Variants in CYP2U1 observed in about 807,000 individuals in gnomAD.
The protein encoded by CYP2U1 is cytochrome P450 family 2 subfamily U member 1.
Under a neutral mutation model 42.8 loss-of-function variants are expected in CYP2U1, and 28 were observed. The ratio of observed to expected loss-of-function variants is 0.65; its 90% confidence interval spans 0.48 to 0.90. The LOEUF is 0.90. Ranked by LOEUF, CYP2U1 falls within the 40% of genes least tolerant of loss-of-function variation. The pLI, the probability that CYP2U1 is intolerant of heterozygous loss-of-function variation, is 0.00. For synonymous variants in CYP2U1, 296 were observed against 278.9 expected (o/e 1.06, Z -0.61); for missense variants, 642 against 693.8 (o/e 0.93, Z 0.84).
Position 107,931,733 on chromosome 4 carries a change from G to A in CYP2U1, c.90G>A (p.Leu30=). 7.1e-7 allele frequency: 1 copy of A among 1,411,454 alleles called. No homozygotes were observed. The allele number at this position is 1,411,454 out of a possible 1,614,324, so 87.4% of individuals were successfully genotyped here. The part of the protein sequence containing the change: ...LLRAPLGLLR[L]DPSGGALLLC... ...GTGCGCCTCTGGGGCTGCTGCGGCT[G>A]GACCCCAGCGGGGGCGCGCTGCTGC... is the stretch of plus-strand genomic sequence containing the variant. Residue 30 remains leucine (L), a synonymous_variant, in exon 1 of 5, where the codon CTG becomes CTA. Transcript: ENST00000332884.
chr4:107,945,300 C>T lies in CYP2U1; in HGVS notation c.821C>T (p.Pro274Leu), dbSNP rs1247212006. 2 of 1,614,018 alleles carry T rather than the reference C, an allele frequency of 1.2e-6. No homozygotes were observed. ...NSQVLLVNIC[P>L]WLYYLPFGPF... ...CAAGTCCTCCTGGTCAACATATGCCCTTGGCTTTATTACCTTCCCTTTGGA... is the reference window on the plus strand; with the variant it reads ...CAAGTCCTCCTGGTCAACATATGCCTTTGGCTTTATTACCTTCCCTTTGGA... Residue 274 changes from proline (P) to leucine (L), a missense_variant, in exon 2 of 5, where the codon CCT (proline) becomes CTT (leucine). By Grantham distance (98) the Pro-to-Leu change is moderately conservative. Transcript: ENST00000332884.
intron 1 of CYP2U1, among the ~76,000 whole-genome samples, chr4:107,942,386 C>T (rs1379753746): frequency 1.3e-5 from 2 of 152,188 alleles, no homozygotes; most frequent in Non-Finnish European, 2.9e-5. Flanking sequence ...AAATTAAATG[C>T]AGTTCCAACC....
At chr4:107,937,447 A>G (rs975633018) in intron 1 of CYP2U1, 2 of 152,212 alleles carry the variant, frequency 1.3e-5, no homozygotes, top group African/African-American at 4.8e-5. Flanking sequence ...TTCAGTAGGT[A>G]AAGACTGAGA....
In CYP2U1 at chr4:107,932,141, G is replaced by A. The variant is rs1733020184; in HGVS notation, c.490+8G>A. On this transcript the variant is annotated splice_region_variant and intron_variant, in intron 1 of 4. Coordinates refer to ENST00000332884, the MANE Select transcript of CYP2U1 (RefSeq NM_183075.3). ...TCGTGACCAAGGAGAAGGGTGAGCG[G>A]GAGGTCGTGGGCTGTGGGTACGCGG... 1.3e-6 allele frequency: 2 copies of A among 1,599,434 alleles called. No homozygotes were observed. The highest frequency in any genetic ancestry group is 2.3e-5 in the South Asian group (2 of 88,874).
In CYP2U1 at chr4:107,950,300, TG is replaced by T; in HGVS notation, c.1513del (p.Val505Ter). 6.2e-7 allele frequency: 1 copy of T among 1,614,064 alleles called. No individual in the cohort carries two copies. Among genetic ancestry groups the T allele is most frequent in the East Asian group, 2.2e-5 (1 of 44,864 alleles). On this transcript the variant is annotated frameshift_variant, in exon 5 of 5. Coordinates refer to ENST00000332884, the MANE Select transcript of CYP2U1 (RefSeq NM_183075.3). LOFTEE classifies it low-confidence loss of function (END_TRUNC). ...CAAAGATGGAATTATTCCTAATGTT[TG>T]TGAGCCTAATGCAGAGTTTCGCATT... ...LAKMELFLMF[V>X]SLMQSFAFAL...
rs1186565891 is a variant in CYP2U1 at position 107,931,806 on chromosome 4, C to G, written c.163C>G (p.Arg55Gly). The change falls in exon 1 of 5, where the codon CGG (arginine) becomes GGG (glycine). Residue 55 changes from arginine to glycine, a missense_variant. Coordinates refer to ENST00000332884, the MANE Select transcript of CYP2U1 (RefSeq NM_183075.3). ...LLGWSWLRRR[R>G]ARGIPPGPTP... ...GGGCTGGAGCTGGCTGCGGAGGCGCCGGGCGCGGGGCATCCCGCCCGGGCC... is the reference window on the plus strand; with the variant it reads ...GGGCTGGAGCTGGCTGCGGAGGCGCGGGGCGCGGGGCATCCCGCCCGGGCC... 4.6e-6 allele frequency: 7 copies of G among 1,515,974 alleles called. No homozygotes were observed. In the East Asian group the frequency reaches 1.0e-4, roughly 22 times the overall value. The allele number at this position is 1,515,974 out of a possible 1,614,324, so 93.9% of individuals were successfully genotyped here.
In CYP2U1 at chr4:107,933,182, C is replaced by T. The variant is rs992659563; in HGVS notation, c.490+1049C>T. On this transcript the variant is annotated intron_variant, in intron 1 of 4. Coordinates refer to ENST00000332884, the MANE Select transcript of CYP2U1 (RefSeq NM_183075.3). ...TATGATCCACTTATATGAGGTGCCT[C>T]CTAGCGTAGTGAAATTCATAGGGAC... 2.6e-5 allele frequency among the ~76,000 whole-genome samples: 4 copies of T among 152,262 alleles called. No individual in the cohort carries two copies. In the South Asian group the frequency reaches 6.2e-4, roughly 24 times the overall value.
intron 1 of CYP2U1, chr4:107,936,271 G>C (rs942392669): frequency 6.6e-6 from 1 of 152,196 alleles, no homozygotes; most frequent in Non-Finnish European, 1.5e-5. Context: ...TGGTTTGAAG[G>C]TGTCCCCAAA....
In CYP2U1 at chr4:107,952,077, T is replaced by A. The variant is rs577049607; in HGVS notation, c.*1654T>A. The A allele has an allele frequency of 1.3e-5, 2 of 152,436 alleles. No individual in the cohort carries two copies. Among genetic ancestry groups the A allele is most frequent in the Non-Finnish European group, 2.9e-5 (2 of 68,072 alleles). The allele number at this position is 152,436 out of a possible 1,614,324, so 9.4% of individuals were successfully genotyped here. A position where few individuals can be genotyped will look rare whatever the true frequency, so the allele number is the denominator to read the frequency against. Reference sequence around the variant, plus strand: ...CAGGCTGAGCTCCTTGAGGTGAGGATGTTGTGCTGTTTGCCTCCCTCACAG... The same window carrying A: ...CAGGCTGAGCTCCTTGAGGTGAGGAAGTTGTGCTGTTTGCCTCCCTCACAG... On this transcript the variant is annotated 3_prime_UTR_variant, in exon 5 of 5. Coordinates refer to ENST00000332884, the MANE Select transcript of CYP2U1 (RefSeq NM_183075.3).
Position 107,931,669 on chromosome 4 carries a change from C to T in CYP2U1, c.26C>T (p.Pro9Leu). 7.9e-7 allele frequency: 1 copy of T among 1,262,492 alleles called. No individual in the cohort carries two copies. The highest frequency in any genetic ancestry group is 9.9e-7 in the Non-Finnish European group (1 of 1,008,398). 78.2% of individuals were successfully genotyped at this position (1,262,492 alleles called of 1,614,324 possible). A position where few individuals can be genotyped will look rare whatever the true frequency, so the allele number is the denominator to read the frequency against. MSSPGPSQ[P>L]PAEDPPWPAR... ...ATGTCGTCTCCGGGGCCGTCGCAGC[C>T]GCCGGCCGAGGACCCGCCCTGGCCC... The change falls in exon 1 of 5, where the codon CCG becomes CTG. Residue 9 changes from proline (P) to leucine (L), a missense_variant. Physicochemically the swap from Pro to Leu is moderately conservative, Grantham distance 98 (BLOSUM62 -3). Coordinates refer to ENST00000332884, the MANE Select transcript of CYP2U1 (RefSeq NM_183075.3).
At chr4:107,932,187 G>A in intron 1 of CYP2U1, 54 bp downstream of exon 1, 1 of 1,541,830 alleles carries the variant, frequency 6.5e-7, no homozygotes, top group South Asian at 1.2e-5. Flanking sequence ...TGAGTCTCCA[G>A]GTGCGTGGGG....
At chr4:107,934,485 A>G (rs1733178160) in intron 1 of CYP2U1, among the ~76,000 whole-genome samples, 1 of 152,106 alleles carries the variant, frequency 6.6e-6, no homozygotes, top group South Asian at 2.1e-4. Context: ...GATACTTTAG[A>G]AGCCTCTTAA....
At chr4:107,942,213 A>AT (rs1243625495) in intron 1 of CYP2U1, among the ~76,000 whole-genome samples, 1 of 152,166 alleles carries the variant, frequency 6.6e-6, no homozygotes, top group Non-Finnish European at 1.5e-5. Context: ...CAGACTGGGG[A>AT]TGGGGCCTGG....
chr4:107,934,986 G>T (rs1010102248), intron 1 of CYP2U1, among the ~76,000 whole-genome samples: 3 of 152,158 alleles, frequency 2.0e-5, no homozygotes, highest in Non-Finnish European at 4.4e-5. Flanking sequence ...CAGAGATTTT[G>T]TTCTTTTGTT....
intron 2 of CYP2U1, 50 bp from the exon 3 acceptor site, chr4:107,947,326 C>A (rs377550634): frequency 5.7e-6 from 9 of 1,569,852 alleles, no homozygotes; most frequent in Non-Finnish European, 7.9e-6. Context: ...AGGGCACGTT[C>A]GACTCTGTCC....
chr4:107,940,085 CTT>C (rs375033950), intron 1 of CYP2U1: 12 of 142,388 alleles, frequency 8.4e-5, no homozygotes, highest in Non-Finnish European at 7.7e-5. Context: ...CTTTTTTTTC[CTT>C]TTTTTTTTTT....
At chr4:107,942,776 AC>A (rs1178915379) in intron 1 of CYP2U1, among the ~76,000 whole-genome samples, 1 of 152,350 alleles carries the variant, frequency 6.6e-6, no homozygotes, top group African/African-American at 2.4e-5. Context: ...AGGTAGCAAT[AC>A]CTAACACAAA....
In CYP2U1 at chr4:107,945,146, A is replaced by G. The variant is rs759406615; in HGVS notation, c.667A>G (p.Ile223Val). 16 of 1,613,872 alleles carry G rather than the reference A, an allele frequency of 9.9e-6. No homozygotes were observed. In the African/African-American group the frequency reaches 1.2e-4, roughly 12 times the overall value. The change falls in exon 2 of 5, where the codon ATC becomes GTC. Residue 223 changes from isoleucine (I) to valine (V), a missense_variant. Ile to Val is a conservative substitution (Grantham distance 29). Coordinates refer to ENST00000332884, the MANE Select transcript of CYP2U1 (RefSeq NM_183075.3). The stretch of plus-strand genomic sequence containing the variant: ...AGAAGACCCCTTCTGCCCTTTCTCC[A>G]TCATCAGCAATGCCGTCTCTAACAT... ...HGEDPFCPFS[I>V]ISNAVSNIIC...
At chr4:107,941,612 C>CT (rs5860885) in intron 1 of CYP2U1, among the ~76,000 whole-genome samples, 66,836 of 146,282 alleles carry the variant, frequency 0.46, 15,956 homozygotes, top group East Asian at 0.69. Context: ...AAAATAGAAA[C>CT]TTTTTTTTTT....
Sources: allele counts gnomAD v4.1 joint callset (sites outside exome capture counted in the v4.1 genomes callset), GRCh38; gene constraint gnomAD v4.1.1; transcripts MANE v1.5; gene names NCBI Gene and HGNC (gene_info 2026-07-23, HGNC 2026-07-21).